Variants in CTNNA2 observed in about 807,000 individuals in gnomAD.
The protein encoded by CTNNA2 is catenin alpha 2.
In CTNNA2, 42 loss-of-function variants were observed where a neutral mutation model predicts 101.0. The observed-to-expected ratio is 0.42, with a 90% CI of 0.32 to 0.54. CTNNA2 has a LOEUF of 0.54. CTNNA2 is among the 20% of genes least tolerant of loss of function. The probability of loss-of-function intolerance (pLI) is 0.14; values close to 1 mark genes in which losing one functional copy is unlikely to be tolerated. For missense variants in CTNNA2, 871 were observed against 1,223.1 expected (o/e 0.71, Z 4.29); for synonymous variants, 450 against 456.4 (o/e 0.99, Z 0.18).
intron 1 of CTNNA2, among the ~76,000 whole-genome samples, chr2:79,648,856 C>T (rs977633751): frequency 1.3e-5 from 2 of 152,132 alleles, no homozygotes; most frequent in African/African-American, 4.8e-5. Context: ...GGCTGGAAAA[C>T]AGCATTTCAC....
chr2:80,165,400 T>G (rs1704615242), intron 7 of CTNNA2, among the ~76,000 whole-genome samples: 1 of 152,166 alleles, frequency 6.6e-6, no homozygotes, highest in African/African-American at 2.4e-5. Flanking sequence ...ATTGCATTGT[T>G]TTGGTTCTAA....
intron 3 of CTNNA2, among the ~76,000 whole-genome samples, chr2:79,829,654 AGG>A (rs1678752817): frequency 6.6e-6 from 1 of 152,012 alleles, no homozygotes; most frequent in Non-Finnish European, 1.5e-5. Context: ...TTTAAAAAAG[AGG>A]AGTGCGTATT....
intron 18 of CTNNA2, among the ~76,000 whole-genome samples, chr2:80,635,815 G>T (rs1010404380): frequency 6.6e-6 from 1 of 152,048 alleles, no homozygotes; most frequent in Admixed American, 6.6e-5. Context: ...GCTAGGATCA[G>T]TAGGAAAAAA....
At chr2:79,815,069 A>G (rs1289236458) in intron 3 of CTNNA2, among the ~76,000 whole-genome samples, 5 of 151,956 alleles carry the variant, frequency 3.3e-5, no homozygotes, top group South Asian at 2.1e-4. Context: ...CCATTTTTGT[A>G]TCTTCTTTGG....
chr2:80,279,958 T>C (rs140714327), intron 7 of CTNNA2, among the ~76,000 whole-genome samples: 16 of 152,068 alleles, frequency 1.1e-4, no homozygotes, highest in African/African-American at 3.9e-4. Context: ...TTCCTCACCC[T>C]CCGTGAGTCT....
chr2:80,032,565 A>G (rs1695359912), intron 7 of CTNNA2, among the ~76,000 whole-genome samples: 1 of 152,340 alleles, frequency 6.6e-6, no homozygotes, highest in South Asian at 2.1e-4. Flanking sequence ...TGGATACACT[A>G]CTAATATGAC....
intron 2 of CTNNA2, among the ~76,000 whole-genome samples, chr2:79,702,404 A>G (rs1320252044): frequency 1.3e-5 from 2 of 152,184 alleles, no homozygotes; most frequent in East Asian, 1.9e-4. Flanking sequence ...AGTAGTTGCA[A>G]CAGAGACCAT....
At chr2:79,627,395 G>A (rs1353321264) in intron 1 of CTNNA2, among the ~76,000 whole-genome samples, 1 of 152,210 alleles carries the variant, frequency 6.6e-6, no homozygotes, top group Non-Finnish European at 1.5e-5. Flanking sequence ...TACTTTAAGG[G>A]AAGTTTGTGG....
intron 8 of CTNNA2, among the ~76,000 whole-genome samples, chr2:80,407,096 C>T (rs547821552): frequency 2.1e-4 from 32 of 152,282 alleles, no homozygotes; most frequent in African/African-American, 7.5e-4. Flanking sequence ...CTTTCCTCTT[C>T]CTTCCTTGCC....
chr2:79,804,058 T>G (rs1485622497), intron 3 of CTNNA2, among the ~76,000 whole-genome samples: 1 of 152,250 alleles, frequency 6.6e-6, no homozygotes, highest in Non-Finnish European at 1.5e-5. Flanking sequence ...TCCATTATAG[T>G]TCATCAGAAA....
chr2:79,837,007 C>T (rs899381201), intron 3 of CTNNA2, among the ~76,000 whole-genome samples: 25 of 152,028 alleles, frequency 1.6e-4, no homozygotes, highest in Admixed American at 4.6e-4. Flanking sequence ...CAAGTAAGGA[C>T]GAATTCGTAA....
intron 13 of CTNNA2, among the ~76,000 whole-genome samples, chr2:80,575,558 T>C (rs1694972280): frequency 6.6e-6 from 1 of 152,092 alleles, no homozygotes; most frequent in African/African-American, 2.4e-5. Flanking sequence ...CATAAGAAAT[T>C]AGATCATTTT....
At chr2:80,499,806 G>A (rs1179827253) in intron 9 of CTNNA2, among the ~76,000 whole-genome samples, 2 of 151,988 alleles carry the variant, frequency 1.3e-5, no homozygotes, top group South Asian at 2.1e-4. Context: ...GGGTGACAAC[G>A]TGAGACTCCA....
At chr2:79,338,623 T>C (rs1030815490) in intron 3 of CTNNA2, among the ~76,000 whole-genome samples, 1 of 150,506 alleles carries the variant, frequency 6.6e-6, no homozygotes, top group Non-Finnish European at 1.5e-5. Context: ...CTTCTTCTTC[T>C]TCTTCTTCTT....
chr2:79,721,648 T>G (rs1686497830), intron 2 of CTNNA2, among the ~76,000 whole-genome samples: 1 of 152,206 alleles, frequency 6.6e-6, no homozygotes, highest in African/African-American at 2.4e-5. Flanking sequence ...TACTTATCCC[T>G]GAATATCATC....
At chr2:80,632,264 C>T (rs1455563084) in intron 18 of CTNNA2, among the ~76,000 whole-genome samples, 2 of 144,602 alleles carry the variant, frequency 1.4e-5, no homozygotes, top group African/African-American at 2.8e-5. Flanking sequence ...GGCAACATGA[C>T]CCCCCCCACC....
At chr2:80,400,838 C>A (rs1411843027) in intron 8 of CTNNA2, among the ~76,000 whole-genome samples, 1 of 152,188 alleles carries the variant, frequency 6.6e-6, no homozygotes, top group Non-Finnish European at 1.5e-5. Context: ...ATGGCCACAA[C>A]CTCATAACCA....
chr2:79,770,445 A>G (rs1404425557), intron 3 of CTNNA2, among the ~76,000 whole-genome samples: 1 of 152,220 alleles, frequency 6.6e-6, no homozygotes, highest in East Asian at 1.9e-4. Flanking sequence ...GACACATGCA[A>G]TGAAAGTAAT....
At chr2:80,541,821 C>T (rs779151399) in intron 9 of CTNNA2, among the ~76,000 whole-genome samples, 4 of 140,988 alleles carry the variant, frequency 2.8e-5, no homozygotes, top group Admixed American at 1.4e-4. Context: ...CCTGGAGACA[C>T]GCACAGATGC....
Sources: gnomAD v4.1 joint callset for allele counts (sites outside exome capture counted in the v4.1 genomes callset) on GRCh38, gnomAD v4.1.1 for gene constraint, MANE v1.5 for transcripts, NCBI Gene and HGNC (gene_info 2026-07-23, HGNC 2026-07-21) for gene names.